FIGN: variants seen among roughly 807,000 people sequenced by gnomAD.
FIGN encodes the protein fidgetin.
In FIGN, 11 loss-of-function variants were observed where a neutral mutation model predicts 51.3. The ratio of observed to expected loss-of-function variants is 0.21; its 90% CI spans 0.13 to 0.35. The LOEUF is 0.35. FIGN is among the 10% of genes least tolerant of loss of function. The pLI is 1.00. For synonymous variants in FIGN, 407 were observed against 363.2 expected (o/e 1.12, Z -1.37); for missense variants, 857 against 943.6 (o/e 0.91, Z 1.20).
rs75118655 is a variant in FIGN at position 163,717,506 on chromosome 2, T to C, written c.25+17397A>G. Among the ~76,000 whole-genome samples, 111 of 152,134 alleles carry C rather than the reference T, an allele frequency of 7.3e-4. 1 individual carries two copies. In the East Asian group the frequency reaches 0.017, roughly 24 times the overall value. On this transcript the variant is annotated intron_variant, in intron 2 of 2. Coordinates refer to ENST00000333129, the MANE Select transcript of FIGN (RefSeq NM_018086.4). ...TTGGGGTGATGGAGGGGTGGGACAT[T>C]TGAGAGAGGTGTATTTTGGTAATTT...
chr2:163,666,288 G>T (rs998984335), intron 2 of FIGN, among the ~76,000 whole-genome samples: 31 of 152,146 alleles, frequency 2.0e-4, no homozygotes, highest in African/African-American at 7.0e-4. Flanking sequence ...GGCATTATTA[G>T]CCTTGCTTCT....
chr2:163,643,779 C>T (rs1320913560), intron 2 of FIGN, among the ~76,000 whole-genome samples: 2 of 150,484 alleles, frequency 1.3e-5, no homozygotes, highest in African/African-American at 4.9e-5. Context: ...TATGGTGAAA[C>T]TCAGAAGCTG....
chr2:163,615,078 CTATT>C (rs1682849051), intron 2 of FIGN, among the ~76,000 whole-genome samples: 1 of 152,208 alleles, frequency 6.6e-6, no homozygotes, highest in African/African-American at 2.4e-5. Context: ...TCAAAATTAT[CTATT>C]TGGAACAATT....
intron 2 of FIGN, among the ~76,000 whole-genome samples, chr2:163,629,428 T>C (rs935866813): frequency 7.2e-5 from 11 of 151,994 alleles, no homozygotes; most frequent in Non-Finnish European, 1.5e-4. Context: ...AAAGGGGTTG[T>C]GAGAAAGTGA....
chr2:163,628,994 A>G (rs952512025), intron 2 of FIGN, among the ~76,000 whole-genome samples: 3 of 152,162 alleles, frequency 2.0e-5, no homozygotes, highest in African/African-American at 7.2e-5. Context: ...GAAGAGTTTT[A>G]GCTTGTACAA....
intron 2 of FIGN, among the ~76,000 whole-genome samples, chr2:163,671,900 T>A (rs1206059854): frequency 2.0e-5 from 3 of 152,160 alleles, no homozygotes; most frequent in Non-Finnish European, 4.4e-5. Context: ...ATAAATTTAG[T>A]ATAATCTCTT....
At chr2:163,638,443 G>A (rs1683258661) in intron 2 of FIGN, among the ~76,000 whole-genome samples, 1 of 151,966 alleles carries the variant, frequency 6.6e-6, no homozygotes, top group Non-Finnish European at 1.5e-5. Flanking sequence ...AACACTAATT[G>A]CTCACAGAGT....
chr2:163,658,368 TC>T, intron 2 of FIGN, among the ~76,000 whole-genome samples: 1 of 6,438 alleles, frequency 1.6e-4, no homozygotes, highest in Non-Finnish European at 1.0e-3. Flanking sequence ...GAAACAGCTC[TC>T]TCTCTCTCTC....
At position 163,610,530 on chromosome 2, in the gene FIGN, G is replaced by C. The variant is rs1201164096; in HGVS notation, c.1302C>G (p.His434Gln). 3 of 1,614,074 alleles carry C rather than the reference G, an allele frequency of 1.9e-6. No homozygotes were observed. The highest frequency in any genetic ancestry group is 2.5e-6 in the Non-Finnish European group (3 of 1,180,044). ...GCATTGGGTGAGAGAGGAGCTGCCTGTGCTCGTCCCCATGCTCACTCATTA... is the reference window on the plus strand; with the variant it reads ...GCATTGGGTGAGAGAGGAGCTGCCTCTGCTCGTCCCCATGCTCACTCATTA... ...SPVMSEHGDE[H>Q]RQLLSHPMQG... Residue 434 changes from histidine to glutamine, a missense_variant, in exon 3 of 3, where the codon CAC becomes CAG. Transcript: ENST00000333129.
At chr2:163,613,999 C>T (rs1682823585) in intron 2 of FIGN, among the ~76,000 whole-genome samples, 1 of 151,900 alleles carries the variant, frequency 6.6e-6, no homozygotes, top group African/African-American at 2.4e-5. Context: ...CTTCAATTTC[C>T]CTCAACTACC....
At chr2:163,734,799 T>C in intron 2 of FIGN, 104 bp downstream of exon 2, 1 of 1,031,690 alleles carries the variant, frequency 9.7e-7, no homozygotes, top group East Asian at 2.6e-5. Flanking sequence ...GAATTCTATA[T>C]CATGAGCAAC....
intron 2 of FIGN, 93 bp downstream of exon 2, chr2:163,734,804 AGCAACT>A: frequency 9.3e-7 from 1 of 1,073,318 alleles, no homozygotes. Flanking sequence ...CTATATCATG[AGCAACT>A]GCTTGCCAGG....
At chr2:163,670,892 C>T (rs1188698709) in intron 2 of FIGN, among the ~76,000 whole-genome samples, 2 of 152,142 alleles carry the variant, frequency 1.3e-5, no homozygotes, top group Non-Finnish European at 2.9e-5. Context: ...TTAGCCTTTA[C>T]GACAAGACTG....
At chr2:163,612,614 G>T (rs1682775125) in intron 2 of FIGN, 10 of 984,502 alleles carry the variant, frequency 1.0e-5, no homozygotes, top group Middle Eastern at 5.2e-4. Flanking sequence ...TCACTTGTCT[G>T]TCGGTCTTCT....
intron 2 of FIGN, chr2:163,617,147 C>T: frequency 1.0e-6 from 1 of 985,094 alleles, no homozygotes; most frequent in Non-Finnish European, 1.2e-6. Context: ...CAGCCCATTC[C>T]CCGATCATTC....
chr2:163,695,152 C>G (rs1464128060), intron 2 of FIGN, among the ~76,000 whole-genome samples: 1 of 152,230 alleles, frequency 6.6e-6, no homozygotes, highest in Admixed American at 6.5e-5. Context: ...TCACCACAGT[C>G]ACTCTTTTCC....
chr2:163,730,842 A>G (rs2105369168), intron 2 of FIGN, among the ~76,000 whole-genome samples: 1 of 152,294 alleles, frequency 6.6e-6, no homozygotes, highest in South Asian at 2.1e-4. Context: ...AAATTTATAA[A>G]TCAATTTAAA....
At chr2:163,676,482 TAA>T (rs1179717511) in intron 2 of FIGN, among the ~76,000 whole-genome samples, 6,767 of 57,094 alleles carry the variant, frequency 0.12, 1,582 homozygotes, top group Non-Finnish European at 0.18. Flanking sequence ...TATATATATA[TAA>T]CTAGAGTCTG....
intron 2 of FIGN, among the ~76,000 whole-genome samples, chr2:163,701,382 C>T (rs1684405094): frequency 6.6e-6 from 1 of 152,178 alleles, no homozygotes; most frequent in Admixed American, 6.6e-5. Flanking sequence ...TACAGTTAGT[C>T]AATAAATATG....
Sources: gnomAD v4.1 joint callset for allele counts (sites outside exome capture counted in the v4.1 genomes callset) on GRCh38, gnomAD v4.1.1 for gene constraint, MANE v1.5 for transcripts, NCBI Gene and HGNC (gene_info 2026-07-23, HGNC 2026-07-21) for gene names.